Variants in CCDC61 observed in about 807,000 individuals in gnomAD.
CCDC61 encodes the protein coiled-coil domain containing 61.
In CCDC61, 55 loss-of-function variants were observed where a neutral mutation model predicts 63.0. The ratio of observed to expected loss-of-function variants is 0.87; its 90% CI spans 0.70 to 1.09. The LOEUF is 1.09. Ranked by LOEUF, CCDC61 falls within the 50% of genes least tolerant of loss-of-function variation. The probability of loss-of-function intolerance (pLI) is 0.00; values close to 1 mark genes in which losing one functional copy is unlikely to be tolerated. For missense variants in CCDC61, 651 were observed against 731.4 expected, an observed-to-expected ratio of 0.89 and a Z score of 1.27; for synonymous variants, 270 against 317.0, an observed-to-expected ratio of 0.85 and a Z score of 1.58.
intron 5 of CCDC61, among the ~76,000 whole-genome samples, chr19:46,009,588 C>T (rs994372172): frequency 6.6e-6 from 1 of 152,190 alleles, no homozygotes. Context: ...AGGCAGCCAG[C>T]GCCGAGCCTC....
intron 3 of CCDC61, among the ~76,000 whole-genome samples, chr19:46,004,074 G>A (rs545035364): frequency 2.0e-5 from 3 of 151,848 alleles, no homozygotes; most frequent in Non-Finnish European, 4.4e-5. Context: ...GAGTAGCTGG[G>A]ATTACAGGCG....
chr19:46,009,833 T>C (rs552834942), intron 5 of CCDC61, among the ~76,000 whole-genome samples: 40,837 of 151,748 alleles, frequency 0.27, 5,750 homozygotes, highest in African/African-American at 0.33. Context: ...TGTGTGTGTG[T>C]GTGTGCGCGC....
intron 12 of CCDC61, 96 bp downstream of exon 12, chr19:46,017,400 C>A: frequency 1.7e-6 from 2 of 1,184,018 alleles, no homozygotes; most frequent in African/African-American, 1.5e-5. Flanking sequence ...ACTCTGAATG[C>A]CTTTGGCAAT....
intron 12 of CCDC61, among the ~76,000 whole-genome samples, 153 bp downstream of exon 12, chr19:46,017,457 T>A (rs1193976613): frequency 6.8e-6 from 1 of 147,350 alleles, no homozygotes. Context: ...TGGGGTGCAG[T>A]GGGGCAATTG....
intron 5 of CCDC61, among the ~76,000 whole-genome samples, chr19:46,010,009 C>T (rs1314715661): frequency 4.6e-5 from 7 of 152,168 alleles, no homozygotes; most frequent in African/African-American, 1.4e-4. Flanking sequence ...CTCTTCCCAG[C>T]CAGGAATTAG....
At chr19:46,008,326 T>TGGGGGG in intron 5 of CCDC61, 25 bp downstream of exon 5, 1 of 460,814 alleles carries the variant, frequency 2.2e-6, no homozygotes, top group Non-Finnish European at 4.1e-6. Flanking sequence ...GGTGGGCAGC[T>TGGGGGG]GGGGCGGGTG....
chr19:46,016,196 C>A lies in CCDC61; in HGVS notation c.988C>A (p.Pro330Thr). Residue 330 changes from proline (P) to threonine (T), a missense_variant, in exon 8 of 14, where the codon CCT (proline) becomes ACT (threonine). Transcript: ENST00000595358. The surrounding 1 kb of genome is among the most constrained non-coding windows in gnomAD (Gnocchi z 7.2). Reference sequence around the variant, plus strand: ...CCGCGGGAGCCGGGGTCGGGGCCGCCCTGCGCGCCCCTCGCCCTCGCCCAC... The same window carrying A: ...CCGCGGGAGCCGGGGTCGGGGCCGCACTGCGCGCCCCTCGCCCTCGCCCAC... Reference protein sequence around the residue: ...SGRGSRGRGRPARPSPSPTGG... With the variant: ...SGRGSRGRGRTARPSPSPTGG... 1 of 1,385,068 alleles carries A rather than the reference C, an allele frequency of 7.2e-7. No individual in the cohort carries two copies. The highest frequency in any genetic ancestry group is 1.7e-5 in the South Asian group (1 of 60,528). The allele number at this position is 1,385,068 out of a possible 1,614,324, so 85.8% of individuals were successfully genotyped here. A position where few individuals can be genotyped will look rare whatever the true frequency, so the allele number is the denominator to read the frequency against.
chr19:46,006,442 G>T, intron 3 of CCDC61, 117 bp from the exon 4 acceptor site: 1 of 988,024 alleles, frequency 1.0e-6, no homozygotes, highest in Non-Finnish European at 1.4e-6. Flanking sequence ...CAGCCTTCGC[G>T]TAGGAAAGCC....
intron 1 of CCDC61, among the ~76,000 whole-genome samples, chr19:45,995,718 G>C (rs1273671981): frequency 6.6e-6 from 1 of 152,134 alleles, no homozygotes; most frequent in Non-Finnish European, 1.5e-5. Flanking sequence ...TCTGTATATC[G>C]CAGGAGGGTC....
At chr19:46,009,986 GCTT>G (rs1274186059) in intron 5 of CCDC61, among the ~76,000 whole-genome samples, 1 of 152,204 alleles carries the variant, frequency 6.6e-6, no homozygotes, top group Non-Finnish European at 1.5e-5. Context: ...CTGCTCAGTG[GCTT>G]CTTATCTTCC....
In CCDC61 at chr19:46,018,470, C is replaced by T; in HGVS notation, c.*83C>T. 1 of 1,113,756 alleles carries T rather than the reference C, an allele frequency of 9.0e-7. No individual in the cohort carries two copies. Among genetic ancestry groups the T allele is most frequent in the South Asian group, 1.5e-5 (1 of 68,680 alleles). 69.0% of individuals were successfully genotyped at this position (1,113,756 alleles called of 1,614,324 possible). ...GGGTGGGGCCAGGGTGGCCTCCAGC[C>T]CTGCCCAGTCCCTGCCCTGGCCCCG... On this transcript the variant is annotated 3_prime_UTR_variant, in exon 14 of 14. Coordinates refer to ENST00000595358, the MANE Select transcript of CCDC61 (RefSeq NM_001267723.2). The surrounding 1 kb of genome is among the most constrained non-coding windows in gnomAD (Gnocchi z 4.2).
At position 46,006,656 on chromosome 19, in the gene CCDC61, G is replaced by A. The variant is rs776904015; in HGVS notation, c.329G>A (p.Arg110Lys). Residue 110 changes from arginine to lysine, a missense_variant, in exon 4 of 14, where the codon AGG (arginine) becomes AAG (lysine). Transcript: ENST00000595358. ...GGCCGCCCAGGCTCCTTGGCCCCCA[G>A]GTCGGCCCAGCTCAACTCCAAGCGC... is the stretch of plus-strand genomic sequence containing the variant. The part of the protein sequence containing the change: ...MGGRPGSLAP[R>K]SAQLNSKRYL... The A allele has an allele frequency of 3.7e-6, 6 of 1,613,798 alleles. No homozygotes were observed. Among genetic ancestry groups the A allele is most frequent in the African/African-American group, 1.3e-5 (1 of 75,070 alleles).
At chr19:46,000,240 A>T (rs891994449) in intron 1 of CCDC61, among the ~76,000 whole-genome samples, 2 of 151,852 alleles carry the variant, frequency 1.3e-5, no homozygotes, top group Non-Finnish European at 2.9e-5. Context: ...GTTACAAGCA[A>T]TTTGGGAGGG....
At chr19:46,014,755 A>G (rs901166376) in intron 5 of CCDC61, among the ~76,000 whole-genome samples, 1 of 152,120 alleles carries the variant, frequency 6.6e-6, no homozygotes, top group African/African-American at 2.4e-5. Context: ...TGGAACTCAC[A>G]TGGCTGTGTT....
chr19:46,018,550 C>G lies in CCDC61; in HGVS notation c.*163C>G. 3.3e-6 allele frequency: 2 copies of G among 598,000 alleles called. No homozygotes were observed. Among genetic ancestry groups the G allele is most frequent in the Non-Finnish European group, 6.0e-6 (2 of 331,676 alleles). The allele number at this position is 598,000 out of a possible 1,614,324, so 37.0% of individuals were successfully genotyped here. A position where few individuals can be genotyped will look rare whatever the true frequency, so the allele number is the denominator to read the frequency against. ...GTGTGAGGCCCTGACCCTGCCCTCTCCCCAGGCAGTGCATGCTGGGAGGGA... is the reference window on the plus strand; with the variant it reads ...GTGTGAGGCCCTGACCCTGCCCTCTGCCCAGGCAGTGCATGCTGGGAGGGA... On this transcript the variant is annotated 3_prime_UTR_variant, in exon 14 of 14. Coordinates refer to ENST00000595358, the MANE Select transcript of CCDC61 (RefSeq NM_001267723.2). The surrounding 1 kb of genome is among the most constrained non-coding windows in gnomAD (Gnocchi z 4.2).
Position 46,006,696 on chromosome 19 carries a change from C to T in CCDC61, c.369C>T (p.Ile123=), listed in dbSNP as rs942972717. 2.1e-5 allele frequency: 34 copies of T among 1,611,696 alleles called. No individual in the cohort carries two copies. The highest frequency in any genetic ancestry group is 2.8e-5 in the Non-Finnish European group (33 of 1,178,316). ...ACTCCAAGCGCTACCTGATCCTCAT[C>T]TACTCCGTGGAGTTTGACAGGTGGG... ...QLNSKRYLIL[I]YSVEFDRIHY... Residue 123 remains isoleucine, a synonymous_variant, in exon 4 of 14, where the codon ATC becomes ATT. Coordinates refer to ENST00000595358, the MANE Select transcript of CCDC61 (RefSeq NM_001267723.2).
At chr19:46,009,816 A>ATGTGTG (rs761965873) in intron 5 of CCDC61, among the ~76,000 whole-genome samples, 5 of 113,210 alleles carry the variant, frequency 4.4e-5, no homozygotes, top group Non-Finnish European at 7.6e-5. Context: ...GTGTGTGTGT[A>ATGTGTG]TGTGTGTGTG....
chr19:46,006,976 A>AC (rs2146467885), intron 4 of CCDC61, among the ~76,000 whole-genome samples: 2 of 152,198 alleles, frequency 1.3e-5, no homozygotes, highest in South Asian at 4.1e-4. Context: ...GGTGTCTGCC[A>AC]CCTGTTTAAC....
In CCDC61 at chr19:46,016,661, G is replaced by A. The variant is rs754371850; in HGVS notation, c.1092-33G>A. ...ACCCCCTTGCCTGCAGGAGTTGGGC[G>A]TACAGACCGGCGTCTCCTTTCTTTT... On this transcript the variant is annotated intron_variant, in intron 9 of 13. Transcript: ENST00000595358. The surrounding 1 kb of genome is among the most constrained non-coding windows in gnomAD (Gnocchi z 7.2). The A allele has an allele frequency of 6.2e-7, 1 of 1,609,232 alleles. No homozygotes were observed. Among genetic ancestry groups the A allele is most frequent in the Non-Finnish European group, 8.5e-7 (1 of 1,178,106 alleles).
Sources: allele counts gnomAD v4.1 joint callset (sites outside exome capture counted in the v4.1 genomes callset), GRCh38; gene constraint gnomAD v4.1.1; non-coding constraint Gnocchi (gnomAD v3.1); transcripts MANE v1.5; gene names NCBI Gene and HGNC (gene_info 2026-07-23, HGNC 2026-07-21).